Variants in DOCK2 observed in about 807,000 individuals in gnomAD.
DOCK2 encodes the protein dedicator of cytokinesis protein 2.
DOCK2 carries 87 observed loss-of-function variants against 248.9 expected under a neutral mutation model. The ratio of observed to expected loss-of-function variants is 0.35; its 90% CI spans 0.29 to 0.42. The LOEUF (loss-of-function observed/expected upper bound fraction) is 0.42, where lower values mean the gene tolerates loss of function less well. Among genes scored for constraint, DOCK2 ranks in the 10% least tolerant of loss-of-function variants. The pLI is 1.00. For synonymous variants in DOCK2, 805 were observed against 821.6 expected (o/e 0.98, Z 0.35); for missense variants, 1,747 against 2,300.2 (o/e 0.76, Z 4.92).
In DOCK2 at chr5:170,045,889, T is replaced by C. The variant is rs2113848335; in HGVS notation, c.3950T>C (p.Leu1317Pro). ...QYEMEIFDYE[L>P]LSQNLIQQAK... ...GAGATGGAGATCTTTGACTATGAGC[T>C]GCTCAGCCAGAACCTGGTAAGGCAT... Residue 1317 changes from leucine to proline, a missense_variant, in exon 39 of 52, where the codon CTG (leucine) becomes CCG (proline). Coordinates refer to ENST00000520908, the MANE Select transcript of DOCK2 (RefSeq NM_004946.3). The C allele has an allele frequency of 6.2e-7, 1 of 1,614,144 alleles. No individual in the cohort carries two copies.
At chr5:170,010,044 A>G (rs1029152022) in intron 32 of DOCK2, among the ~76,000 whole-genome samples, 19 of 152,200 alleles carry the variant, frequency 1.2e-4, no homozygotes, top group African/African-American at 4.3e-4. Context: ...CAGGGGGCTT[A>G]TGAGGGTCAT....
At chr5:169,782,315 T>A (rs1414721743) in intron 25 of DOCK2, among the ~76,000 whole-genome samples, 1 of 151,958 alleles carries the variant, frequency 6.6e-6, no homozygotes, top group East Asian at 1.9e-4. Flanking sequence ...GGGTTTGGGG[T>A]ACAAGCAGGA....
intron 27 of DOCK2, among the ~76,000 whole-genome samples, chr5:169,968,872 C>T (rs921779661): frequency 6.6e-6 from 1 of 152,144 alleles, no homozygotes; most frequent in African/African-American, 2.4e-5. Flanking sequence ...AGAAATGGCA[C>T]TTGTGTGAGT....
intron 25 of DOCK2, among the ~76,000 whole-genome samples, chr5:169,794,715 G>A (rs866974236): frequency 4.6e-5 from 7 of 152,294 alleles, no homozygotes; most frequent in Middle Eastern, 3.4e-3. Context: ...ACGAGGTCAG[G>A]AGATCGAGAC....
rs1181741636 is a variant in DOCK2 at position 170,037,557 on chromosome 5, G to C, written c.3665+1002G>C. On this transcript the variant is annotated intron_variant, in intron 36 of 51. Coordinates refer to ENST00000520908, the MANE Select transcript of DOCK2 (RefSeq NM_004946.3). ...GCTGGAGTGCAGTGGTGCCTATTCAGCTCACTGCAACCTCTGCCTCCCGGG... is the reference window on the plus strand; with the variant it reads ...GCTGGAGTGCAGTGGTGCCTATTCACCTCACTGCAACCTCTGCCTCCCGGG... Among the ~76,000 whole-genome samples the C allele has an allele frequency of 1.9e-4, 28 of 147,792 alleles. 1 individual carries two copies.
At position 169,923,483 on chromosome 5, in the gene DOCK2, G is replaced by GCACA. The variant is rs34053722; in HGVS notation, c.2800-59559_2800-59556dup. On this transcript the variant is annotated intron_variant, in intron 27 of 51. Transcript: ENST00000520908. ...CATGCGTGCGTGTGCATGCACGTGG[G>GCACA]CACACACACACACACACACACACAC... Among the ~76,000 whole-genome samples the GCACA allele has an allele frequency of 5.9e-3, 879 of 148,918 alleles. 10 individuals are homozygous for GCACA. Among genetic ancestry groups the GCACA allele is most frequent in the African/African-American group, 0.02 (820 of 40,596 alleles).
At chr5:170,053,600 T>A (rs1757001500) in intron 41 of DOCK2, among the ~76,000 whole-genome samples, 1 of 152,176 alleles carries the variant, frequency 6.6e-6, no homozygotes, top group Admixed American at 6.5e-5. Flanking sequence ...TAATCCAGAG[T>A]GATTTTCTTC....
At chr5:170,074,927 T>C (rs1454108597) in intron 46 of DOCK2, among the ~76,000 whole-genome samples, 2 of 152,146 alleles carry the variant, frequency 1.3e-5, no homozygotes, top group Non-Finnish European at 2.9e-5. Context: ...TGTAGGCAGA[T>C]TGGCTTCTTA....
At chr5:169,897,634 G>A (rs933328057) in intron 27 of DOCK2, among the ~76,000 whole-genome samples, 1 of 152,212 alleles carries the variant, frequency 6.6e-6, no homozygotes, top group Non-Finnish European at 1.5e-5. Flanking sequence ...TTGAGAGCCT[G>A]GGGATGCAAA....
At chr5:169,674,614 G>A (rs932857824) in intron 6 of DOCK2, among the ~76,000 whole-genome samples, 169 bp downstream of exon 6, 3 of 152,158 alleles carry the variant, frequency 2.0e-5, no homozygotes, top group Non-Finnish European at 4.4e-5. Context: ...CACCCCTGGG[G>A]GACCTAGGGA....
At chr5:169,904,691 G>C (rs73325959) in intron 27 of DOCK2, among the ~76,000 whole-genome samples, 3,283 of 152,240 alleles carry the variant, frequency 0.022, 118 homozygotes, top group African/African-American at 0.075. Flanking sequence ...CAGACAATAA[G>C]TCTGACAGAT....
chr5:170,045,881 C>T lies in DOCK2; in HGVS notation c.3942C>T (p.Asp1314=). 6.2e-7 allele frequency: 1 copy of T among 1,614,180 alleles called. No individual in the cohort carries two copies. Among genetic ancestry groups the T allele is most frequent in the Non-Finnish European group, 8.5e-7 (1 of 1,180,020 alleles). The change falls in exon 39 of 52, where the codon GAC becomes GAT. Residue 1314 remains aspartate, a synonymous_variant. Transcript: ENST00000520908. ...LAEQYEMEIF[D]YELLSQNLIQ... The stretch of plus-strand genomic sequence containing the variant: ...AACAGTACGAGATGGAGATCTTTGA[C>T]TATGAGCTGCTCAGCCAGAACCTGG...
chr5:170,069,755 C>T (rs1439432917), intron 46 of DOCK2, among the ~76,000 whole-genome samples: 3 of 152,326 alleles, frequency 2.0e-5, no homozygotes, highest in Admixed American at 6.5e-5. Context: ...GCTCAGCCCA[C>T]GGGCTTAGAA....
chr5:169,777,145 C>G (rs547734567), intron 25 of DOCK2, among the ~76,000 whole-genome samples: 3 of 152,148 alleles, frequency 2.0e-5, no homozygotes, highest in Admixed American at 6.5e-5. Flanking sequence ...CTCCCTTTTC[C>G]CTACTTTTCA....
At chr5:169,671,295 C>T in intron 5 of DOCK2, 121 bp downstream of exon 5, 1 of 760,384 alleles carries the variant, frequency 1.3e-6, no homozygotes, top group Non-Finnish European at 2.2e-6. Flanking sequence ...TAGCAGAGCG[C>T]ACACTATTAC....
rs1401502578 is a variant in DOCK2, at chr5:169,862,823, G to C, written c.2799+21971G>C. Among the ~76,000 whole-genome samples, 4 of 152,178 alleles carry C rather than the reference G, an allele frequency of 2.6e-5. No individual in the cohort carries two copies. The East Asian group carries it at 7.7e-4, about 29-fold the overall frequency. On this transcript the variant is annotated intron_variant, in intron 27 of 51. Coordinates refer to ENST00000520908, the MANE Select transcript of DOCK2 (RefSeq NM_004946.3). ...GCTCAATTAGGCTCAATTTGCAGTGGGGTAGGTACATCCCACGAACACACA... is the reference window on the plus strand; with the variant it reads ...GCTCAATTAGGCTCAATTTGCAGTGCGGTAGGTACATCCCACGAACACACA...
At chr5:169,847,211 A>C (rs1243717806) in intron 27 of DOCK2, among the ~76,000 whole-genome samples, 1 of 152,196 alleles carries the variant, frequency 6.6e-6, no homozygotes, top group East Asian at 1.9e-4. Context: ...GTAGATACCC[A>C]GTATTGAGAT....
In DOCK2 at chr5:169,942,729, C is replaced by T. The variant is rs563331934; in HGVS notation, c.2800-40339C>T. 6.6e-5 allele frequency among the ~76,000 whole-genome samples: 10 copies of T among 152,202 alleles called. No individual in the cohort carries two copies. In the South Asian group the frequency reaches 1.7e-3, roughly 25 times the overall value. On this transcript the variant is annotated intron_variant, in intron 27 of 51. Transcript: ENST00000520908. Reference sequence around the variant, plus strand: ...CACAGCTCCTGCCCTCCACATTGGTCGGAGAGACCACGAGGGTTCAGGAAA... The same window carrying T: ...CACAGCTCCTGCCCTCCACATTGGTTGGAGAGACCACGAGGGTTCAGGAAA...
intron 27 of DOCK2, among the ~76,000 whole-genome samples, chr5:169,846,595 T>TATATATATAC (rs1235567957): frequency 1.7e-4 from 20 of 115,698 alleles, no homozygotes; most frequent in African/African-American, 8.1e-4. Flanking sequence ...TATATATATA[T>TATATATATAC]ATACACACAC....
Sources: allele counts gnomAD v4.1 joint callset (sites outside exome capture counted in the v4.1 genomes callset), GRCh38; gene constraint gnomAD v4.1.1; transcripts MANE v1.5; gene names NCBI Gene and HGNC (gene_info 2026-07-23, HGNC 2026-07-21).